The following TRIM13 variants were observed in gnomAD, a reference collection of about 807,000 sequenced individuals.
TRIM13 encodes the protein E3 ubiquitin-protein ligase TRIM13.
TRIM13 carries 15 observed loss-of-function variants against 27.1 expected under a neutral mutation model. The ratio of observed to expected loss-of-function variants is 0.55; its 90% CI spans 0.37 to 0.85. The LOEUF is 0.85. TRIM13 is among the 40% of genes least tolerant of loss of function. The probability of loss-of-function intolerance (pLI) is 0.00; values close to 1 mark genes in which losing one functional copy is unlikely to be tolerated. For missense variants in TRIM13, 402 were observed against 472.2 expected (o/e 0.85, Z 1.38); for synonymous variants, 193 against 171.5 (o/e 1.13, Z -0.98).
intron 1 of TRIM13, 77 bp from the exon 2 acceptor site, chr13:50,011,858 G>A: frequency 6.9e-7 from 1 of 1,447,544 alleles, no homozygotes; most frequent in Non-Finnish European, 9.3e-7. Context: ...TAACGTGAAG[G>A]CAGATTTCTT....
intron 1 of TRIM13, among the ~76,000 whole-genome samples, chr13:50,003,576 A>G (rs1874312452): frequency 6.6e-6 from 1 of 152,210 alleles, no homozygotes; most frequent in South Asian, 2.1e-4. Flanking sequence ...TCCAATACAT[A>G]TATATAAACT....
In TRIM13 at chr13:50,015,591, G is replaced by A. The variant is rs757054444; in HGVS notation, c.*2427G>A. The A allele has an allele frequency of 5.6e-6, 9 of 1,614,070 alleles. No homozygotes were observed. Among genetic ancestry groups the A allele is most frequent in the Admixed American group, 1.7e-5 (1 of 60,022 alleles). ...CAGTTTCCTGCTTCTCGTTTGGCAC[G>A]CATGTTAGATGGCAGAGACCAAGAA... On this transcript the variant is annotated 3_prime_UTR_variant, in exon 2 of 2. Transcript: ENST00000378182.
rs1876269118 is a variant in TRIM13 at position 50,015,090 on chromosome 13, AAAAAATATATATATATATATATAT to A, written c.*1928_*1951del. 12 of 39,088 alleles carry A rather than the reference AAAAAATATATATATATATATATAT, an allele frequency of 3.1e-4. No individual in the cohort carries two copies. The highest frequency in any genetic ancestry group is 7.7e-4 in the Admixed American group (2 of 2,588). 2.4% of individuals were successfully genotyped at this position (39,088 alleles called of 1,614,324 possible). ...CTCCCAGTAATAAAAAAAAAAAAAA[AAAAAATATATATATATATATATAT>A]ATATATATATATATATATATATATA... is the stretch of plus-strand genomic sequence containing the variant. On this transcript the variant is annotated 3_prime_UTR_variant, in exon 2 of 2. Coordinates refer to ENST00000378182, the MANE Select transcript of TRIM13 (RefSeq NM_213590.3).
intron 1 of TRIM13, among the ~76,000 whole-genome samples, chr13:50,009,747 A>C (rs574583610): frequency 0.046 from 6,140 of 134,182 alleles, 315 homozygotes; most frequent in African/African-American, 0.12. Flanking sequence ...AAAAAAAAAA[A>C]AAAAAAAAAA....
chr13:50,006,082 TAA>T (rs1874673992), intron 1 of TRIM13, among the ~76,000 whole-genome samples: 1 of 152,126 alleles, frequency 6.6e-6, no homozygotes, highest in Non-Finnish European at 1.5e-5. Flanking sequence ...ATTTGTAAGT[TAA>T]GTCACTAAAA....
Position 50,016,258 on chromosome 13 carries a change from A to C in TRIM13, c.*3094A>C, listed in dbSNP as rs1201640217. 2 of 569,716 alleles carry C rather than the reference A, an allele frequency of 3.5e-6. No individual in the cohort carries two copies. Among genetic ancestry groups the C allele is most frequent in the Non-Finnish European group, 6.3e-6 (2 of 315,142 alleles). 35.3% of individuals were successfully genotyped at this position (569,716 alleles called of 1,614,324 possible). On this transcript the variant is annotated 3_prime_UTR_variant, in exon 2 of 2. Coordinates refer to ENST00000378182, the MANE Select transcript of TRIM13 (RefSeq NM_213590.3). ...CCAAACTGGGATACTTTTTAGAGTGAAAGGGGCTATTATTAGGTGGGACAA... is the reference window on the plus strand; with the variant it reads ...CCAAACTGGGATACTTTTTAGAGTGCAAGGGGCTATTATTAGGTGGGACAA...
chr13:50,016,077 T>C lies in TRIM13; in HGVS notation c.*2913T>C. The C allele has an allele frequency of 3.7e-6, 6 of 1,607,382 alleles. No individual in the cohort carries two copies. Among genetic ancestry groups the C allele is most frequent in the Non-Finnish European group, 5.1e-6 (6 of 1,174,230 alleles). On this transcript the variant is annotated 3_prime_UTR_variant, in exon 2 of 2. Coordinates refer to ENST00000378182, the MANE Select transcript of TRIM13 (RefSeq NM_213590.3). Reference sequence around the variant, plus strand: ...GATAACCAAACTGGAGTCAGGTATTTTGTACTTTGCAGTATTTCTCTTGTA... The same window carrying C: ...GATAACCAAACTGGAGTCAGGTATTCTGTACTTTGCAGTATTTCTCTTGTA...
intron 1 of TRIM13, among the ~76,000 whole-genome samples, chr13:50,004,358 T>C (rs942425251): frequency 6.6e-6 from 1 of 152,048 alleles, no homozygotes; most frequent in East Asian, 1.9e-4. Context: ...CAGCTACTCA[T>C]GAGGCTGAGG....
chr13:50,005,607 G>A lies in TRIM13; in HGVS notation c.-6-6328G>A, dbSNP rs547262841. ...GGAGAATCACTTGAACCCAGGAGGC[G>A]GAGGTTGCAGTGAGTTGTGATTACA... On this transcript the variant is annotated intron_variant, in intron 1 of 1. Transcript: ENST00000378182. 8.3e-4 allele frequency among the ~76,000 whole-genome samples: 126 copies of A among 151,420 alleles called. 2 individuals are homozygous for A. Among genetic ancestry groups the A allele is most frequent in the African/African-American group, 2.9e-3 (121 of 41,182 alleles).
At chr13:50,006,253 C>T (rs1874697393) in intron 1 of TRIM13, among the ~76,000 whole-genome samples, 1 of 152,018 alleles carries the variant, frequency 6.6e-6, no homozygotes, top group African/African-American at 2.4e-5. Flanking sequence ...GTGACATTTT[C>T]CTTTTCACTT....
At chr13:50,001,288 T>TC (rs1327217272) in intron 1 of TRIM13, among the ~76,000 whole-genome samples, 2 of 71,608 alleles carry the variant, frequency 2.8e-5, no homozygotes, top group Non-Finnish European at 6.2e-5. Flanking sequence ...CAAAACTCTG[T>TC]CCCAAAAAAA....
At position 50,015,496 on chromosome 13, in the gene TRIM13, GAGTAGTC is replaced by G. The variant is rs765080074; in HGVS notation, c.*2335_*2341del. 6.2e-7 allele frequency: 1 copy of G among 1,602,668 alleles called. No homozygotes were observed. The highest frequency in any genetic ancestry group is 8.5e-7 in the Non-Finnish European group (1 of 1,173,412). ...CTCTAGTTTGAAGTGAGGGAAGAATGAGTAGTCAGGAACTGGTCACTTTGAATGTGGG... is the reference window on the plus strand; with the variant it reads ...CTCTAGTTTGAAGTGAGGGAAGAATGAGGAACTGGTCACTTTGAATGTGGG... On this transcript the variant is annotated 3_prime_UTR_variant, in exon 2 of 2. Coordinates refer to ENST00000378182, the MANE Select transcript of TRIM13 (RefSeq NM_213590.3).
In TRIM13 at chr13:50,012,646, G is replaced by C; in HGVS notation, c.706G>C (p.Ala236Pro). 6.2e-7 allele frequency: 1 copy of C among 1,614,106 alleles called. No individual in the cohort carries two copies. Among genetic ancestry groups the C allele is most frequent in the Non-Finnish European group, 8.5e-7 (1 of 1,180,012 alleles). ...LQEQRMAFNI[A>P]EAFKDVSEPI... Reference sequence around the variant, plus strand: ...GGAGCAACGGATGGCCTTTAACATTGCTGAGGCTTTCAAAGATGTGTCAGA... The same window carrying C: ...GGAGCAACGGATGGCCTTTAACATTCCTGAGGCTTTCAAAGATGTGTCAGA... Residue 236 changes from alanine to proline, a missense_variant, in exon 2 of 2, where the codon GCT (alanine) becomes CCT (proline). Coordinates refer to ENST00000378182, the MANE Select transcript of TRIM13 (RefSeq NM_213590.3).
Position 50,007,267 on chromosome 13 carries a change from G to A in TRIM13, c.-6-4668G>A, listed in dbSNP as rs544984076. On this transcript the variant is annotated intron_variant, in intron 1 of 1. Transcript: ENST00000378182. ...GCACTTTGGGAGGCTGAGGCAGGTGGATCATGAGGTCAGGAGTTCAAGACC... is the reference window on the plus strand; with the variant it reads ...GCACTTTGGGAGGCTGAGGCAGGTGAATCATGAGGTCAGGAGTTCAAGACC... Among the ~76,000 whole-genome samples the A allele has an allele frequency of 3.1e-4, 47 of 151,388 alleles. 1 individual carries two copies. The South Asian group carries it at 9.4e-3, about 30-fold the overall frequency.
intron 1 of TRIM13, among the ~76,000 whole-genome samples, chr13:49,999,611 C>T (rs1873773169): frequency 6.6e-6 from 1 of 152,122 alleles, no homozygotes; most frequent in Non-Finnish European, 1.5e-5. Flanking sequence ...GAACTGGGCT[C>T]AAGTGATCCT....
Position 50,012,749 on chromosome 13 carries a change from C to G in TRIM13, c.809C>G (p.Ser270Cys), listed in dbSNP as rs757515639. 3 of 1,614,080 alleles carry G rather than the reference C, an allele frequency of 1.9e-6. No homozygotes were observed. Among genetic ancestry groups the G allele is most frequent in the Non-Finnish European group, 2.5e-6 (3 of 1,180,004 alleles). ...ATCAAGGAAACTCCTTTACCTCCCT[C>G]TAATTTGCCTGCAAGCCCTTTAATG... ...KVIKETPLPP[S>C]NLPASPLMKN... Residue 270 changes from serine (S) to cysteine (C), a missense_variant, in exon 2 of 2, where the codon TCT (serine) becomes TGT (cysteine). Around this residue, in one of 2 missense-constraint regions of TRIM13, gnomAD observed 200 missense variants for 194.7 expected, o/e 1.03. Coordinates refer to ENST00000378182, the MANE Select transcript of TRIM13 (RefSeq NM_213590.3).
At chr13:49,998,285 G>A (rs972691163) in intron 1 of TRIM13, among the ~76,000 whole-genome samples, 4 of 152,112 alleles carry the variant, frequency 2.6e-5, no homozygotes, top group Non-Finnish European at 5.9e-5. Context: ...ACCTCCCTGG[G>A]AAGTCCTTTC....
intron 1 of TRIM13, among the ~76,000 whole-genome samples, chr13:50,004,035 A>G (rs2138360241): frequency 6.6e-6 from 1 of 152,386 alleles, no homozygotes; most frequent in Non-Finnish European, 1.5e-5. Context: ...GTATTCAGAA[A>G]TATTCAAAGG....
intron 1 of TRIM13, among the ~76,000 whole-genome samples, chr13:50,003,512 C>G (rs1027324710): frequency 3.3e-5 from 5 of 152,144 alleles, no homozygotes; most frequent in Non-Finnish European, 5.9e-5. Context: ...TGAGTACTTT[C>G]TGCAGTATAA....
Sources: allele counts gnomAD v4.1 joint callset (sites outside exome capture counted in the v4.1 genomes callset), GRCh38; gene constraint gnomAD v4.1.1; regional missense constraint gnomAD v4.1.1; transcripts MANE v1.5; gene names NCBI Gene and HGNC (gene_info 2026-07-23, HGNC 2026-07-21).